ANK1: variants seen among roughly 807,000 people sequenced by gnomAD.
ANK1 encodes ankyrin 1.
A neutral mutation model predicts 210.4 loss-of-function variants in ANK1; 51 were observed. The observed-to-expected ratio is 0.24, with a 90% CI of 0.19 to 0.31. The LOEUF is 0.31. Among genes scored for constraint, ANK1 ranks in the 10% least tolerant of loss-of-function variants. The pLI is 1.00. For missense variants in ANK1, 2,051 were observed against 2,504.4 expected, an observed-to-expected ratio of 0.82 and a Z score of 3.86; for synonymous variants, 967 against 1,025.9, an observed-to-expected ratio of 0.94 and a Z score of 1.10.
intron 2 of ANK1, among the ~76,000 whole-genome samples, chr8:41,749,034 C>A (rs1030217760): frequency 1.0e-4 from 15 of 143,108 alleles, no homozygotes; most frequent in Non-Finnish European, 1.1e-4. Flanking sequence ...GACTCCATCT[C>A]AAAAAAAAAA....
At chr8:41,879,483 T>C (rs1271624251) in intron 1 of ANK1, among the ~76,000 whole-genome samples, 1 of 152,232 alleles carries the variant, frequency 6.6e-6, no homozygotes, top group Non-Finnish European at 1.5e-5. Context: ...TGTGTAACGA[T>C]TCCCTCTCAA....
At chr8:41,861,599 G>A (rs986225833) in intron 1 of ANK1, among the ~76,000 whole-genome samples, 3 of 152,174 alleles carry the variant, frequency 2.0e-5, no homozygotes, top group African/African-American at 4.8e-5. Context: ...GTGCTCACTC[G>A]GTGCCTGTGT....
intron 26 of ANK1, among the ~76,000 whole-genome samples, chr8:41,695,905 C>T (rs932192029): frequency 2.0e-5 from 3 of 152,194 alleles, no homozygotes; most frequent in African/African-American, 7.2e-5. Context: ...GCACAGGCCT[C>T]TGGAGCCGGG....
intron 1 of ANK1, among the ~76,000 whole-genome samples, chr8:41,874,740 C>T (rs1816241619): frequency 6.6e-6 from 1 of 152,242 alleles, no homozygotes; most frequent in African/African-American, 2.4e-5. Context: ...AACATGACAA[C>T]TGAGAATTGT....
intron 1 of ANK1, among the ~76,000 whole-genome samples, chr8:41,859,681 C>T (rs1047750213): frequency 6.6e-6 from 1 of 152,210 alleles, no homozygotes; most frequent in African/African-American, 2.4e-5. Context: ...AGACTCTGTG[C>T]TCAATAAACA....
At chr8:41,736,996 G>A (rs1027118126) in intron 2 of ANK1, among the ~76,000 whole-genome samples, 29 of 152,068 alleles carry the variant, frequency 1.9e-4, no homozygotes, top group Admixed American at 2.0e-4. Context: ...TTTTCTCCCC[G>A]CTAAAAACTA....
chr8:41,808,891 T>C (rs113564894), intron 1 of ANK1, among the ~76,000 whole-genome samples: 1,744 of 152,314 alleles, frequency 0.011, 20 homozygotes, highest in Non-Finnish European at 0.018. Flanking sequence ...TGAGGCCTTA[T>C]TGGGCATTAT....
chr8:41,798,880 C>T (rs1849367596), upstream of ANK1, among the ~76,000 whole-genome samples: 2 of 152,178 alleles, frequency 1.3e-5, no homozygotes, highest in South Asian at 4.1e-4. Flanking sequence ...GACGAGGCCG[C>T]CATCTGGCTT....
chr8:41,710,499 G>T (rs932874313), intron 16 of ANK1, among the ~76,000 whole-genome samples: 2 of 152,218 alleles, frequency 1.3e-5, no homozygotes, highest in African/African-American at 4.8e-5. Context: ...ATTCAGAGGC[G>T]CTAGGGAGGG....
rs546633815 is a variant in ANK1 at position 41,833,196 on chromosome 8, C to A, written c.126+63159G>T. ...GGGCCTCCCTCCAGCACCCATCAGA[C>A]CCTCTCAGAGGACACAGCGATCACC... On this transcript the variant is annotated intron_variant, in intron 1 of 42. Coordinates refer to the ANK1 transcript ENST00000265709. 7.2e-5 allele frequency among the ~76,000 whole-genome samples: 11 copies of A among 152,308 alleles called. 1 individual carries two copies. The South Asian group carries it at 2.3e-3, about 32-fold the overall frequency.
At chr8:41,859,032 G>T (rs1381912283) in intron 1 of ANK1, among the ~76,000 whole-genome samples, 1 of 152,240 alleles carries the variant, frequency 6.6e-6, no homozygotes, top group Non-Finnish European at 1.5e-5. Flanking sequence ...ACCAGGTTCA[G>T]CTTGGTGCCG....
In ANK1 at chr8:41,852,732, G is replaced by A. The variant is rs966137269; in HGVS notation, c.126+43623C>T. 2.0e-5 allele frequency among the ~76,000 whole-genome samples: 3 copies of A among 152,270 alleles called. No homozygotes were observed. The South Asian group carries it at 6.2e-4, about 32-fold the overall frequency. ...GGTCCGATGATTTATCGAGGATGAC[G>A]CCACTGGTGGGTGTTGGAGTCAGGA... On this transcript the variant is annotated intron_variant, in intron 1 of 42. Coordinates refer to the ANK1 transcript ENST00000265709.
intron 31 of ANK1, among the ~76,000 whole-genome samples, chr8:41,690,846 T>C (rs908210367): frequency 6.6e-6 from 1 of 152,246 alleles, no homozygotes; most frequent in Non-Finnish European, 1.5e-5. Context: ...CCCTGAGATG[T>C]TGATGGGAAT....
chr8:41,663,098 GTC>G lies in ANK1; in HGVS notation c.5478+559_5478+560del, dbSNP rs60380363. ...CCTGGCTAATTTTGTGTGTGTGTGT[GTC>G]TCTCTCTCTCTCTCTGTGTGTGTGT... On this transcript the variant is annotated intron_variant, in intron 40 of 42. Transcript: ENST00000289734. Among the ~76,000 whole-genome samples the G allele has an allele frequency of 1.5e-3, 219 of 145,122 alleles. 1 individual carries two copies. The highest frequency in any genetic ancestry group is 6.8e-3 in the Middle Eastern group (2 of 292).
At chr8:41,767,474 C>T (rs1842096978) in intron 1 of ANK1, among the ~76,000 whole-genome samples, 1 of 151,426 alleles carries the variant, frequency 6.6e-6, no homozygotes, top group Non-Finnish European at 1.5e-5. Flanking sequence ...AGTTACGCGG[C>T]ATCTGGCTAA....
rs200946169 is a variant in ANK1, at chr8:41,694,833, G to C, written c.3116-30C>G. 6.2e-7 allele frequency: 1 copy of C among 1,607,740 alleles called. No individual in the cohort carries two copies. Among genetic ancestry groups the C allele is most frequent in the African/African-American group, 1.3e-5 (1 of 74,776 alleles). On this transcript the variant is annotated intron_variant, in intron 27 of 42. Coordinates refer to ENST00000289734, the MANE Select transcript of ANK1 (RefSeq NM_000037.4). The surrounding 1 kb of genome is among the most constrained non-coding windows in gnomAD (Gnocchi z 5.7). ...AATCACACACACAGGCCACCACCCC[G>C]GTCACATCAGGCACAGGTTCAGGAC...
exon 1 of ANK1, chr8:41,896,626 G>T: frequency 3.4e-6 from 4 of 1,170,246 alleles, no homozygotes; most frequent in Non-Finnish European, 4.4e-6. Flanking sequence ...CTGCTGCGGG[G>T]TCGCGGGAAG....
At position 41,877,944 on chromosome 8, in the gene ANK1, C is replaced by T. The variant is rs747333929; in HGVS notation, c.126+18411G>A. On this transcript the variant is annotated intron_variant, in intron 1 of 42. Transcript: ENST00000265709. ...GTGGCCGTGTGAGGGAGGACAGGGA[C>T]AGGAGGTTGGGACCTGGGCAGGAAC... 9.9e-4 allele frequency among the ~76,000 whole-genome samples: 150 copies of T among 152,262 alleles called. 3 individuals are homozygous for T. Among genetic ancestry groups the T allele is most frequent in the Non-Finnish European group, 1.3e-3 (89 of 68,018 alleles).
intron 1 of ANK1, among the ~76,000 whole-genome samples, chr8:41,843,419 C>T (rs1809405971): frequency 6.6e-6 from 1 of 150,970 alleles, no homozygotes; most frequent in South Asian, 2.1e-4. Context: ...TCCCCGCCCA[C>T]CCCACACTCC....
Sources: gnomAD v4.1 joint callset for allele counts (sites outside exome capture counted in the v4.1 genomes callset) on GRCh38, gnomAD v4.1.1 for gene constraint, Gnocchi (gnomAD v3.1) non-coding constraint, MANE v1.5 for transcripts, NCBI Gene and HGNC (gene_info 2026-07-23, HGNC 2026-07-21) for gene names.